Variants in DUSP16 observed in about 807,000 individuals in gnomAD.
The protein encoded by DUSP16 is dual specificity protein phosphatase 16.
A neutral mutation model predicts 58.3 loss-of-function variants in DUSP16; 21 were observed. That is an observed-to-expected ratio of 0.36 (90% CI 0.26 to 0.52). DUSP16 has a LOEUF of 0.52. DUSP16 is among the 20% of genes least tolerant of loss of function. The probability of loss-of-function intolerance (pLI) is 0.94; values close to 1 mark genes in which losing one functional copy is unlikely to be tolerated. For missense variants in DUSP16, 726 were observed against 819.0 expected (o/e 0.89, Z 1.39); for synonymous variants, 320 against 323.8 (o/e 0.99, Z 0.12).
At chr12:12,513,310 T>TA (rs1944104461) in intron 3 of DUSP16, among the ~76,000 whole-genome samples, 1 of 152,242 alleles carries the variant, frequency 6.6e-6, no homozygotes, top group Non-Finnish European at 1.5e-5. Context: ...TAAAACAATT[T>TA]ATATACAGTG....
At chr12:12,529,406 G>A (rs764260934) in intron 1 of DUSP16, among the ~76,000 whole-genome samples, 26 of 152,088 alleles carry the variant, frequency 1.7e-4, no homozygotes, top group South Asian at 4.1e-4. Context: ...CACTGTGCCC[G>A]GCCAAACTTT....
chr12:12,552,934 C>A (rs538458306), intron 1 of DUSP16, among the ~76,000 whole-genome samples: 1 of 152,126 alleles, frequency 6.6e-6, no homozygotes, highest in South Asian at 2.1e-4. Flanking sequence ...GCGCCCACCA[C>A]CACACCTGGC....
intron 1 of DUSP16, among the ~76,000 whole-genome samples, chr12:12,551,278 G>C (rs996893638): frequency 6.6e-6 from 1 of 151,880 alleles, no homozygotes; most frequent in Non-Finnish European, 1.5e-5. Context: ...TAGGCAGGCA[G>C]ATCACTTGAG....
At chr12:12,550,879 TTAAAG>T (rs1311433420) in intron 1 of DUSP16, among the ~76,000 whole-genome samples, 10 of 151,892 alleles carry the variant, frequency 6.6e-5, no homozygotes, top group African/African-American at 1.9e-4. Flanking sequence ...ACCCCAAAAC[TTAAAG>T]TATAATTAAA....
Position 12,476,542 on chromosome 12 carries a change from C to A in DUSP16, c.*291G>T. On this transcript the variant is annotated 3_prime_UTR_variant, in exon 7 of 7. Coordinates refer to ENST00000298573, the MANE Select transcript of DUSP16 (RefSeq NM_030640.3). ...TGTCCTCCAACACCAAAGACACTTG[C>A]TTTTTTAAGAACAAGAGGATGTGTA... is the stretch of plus-strand genomic sequence containing the variant. 3.9e-6 allele frequency: 1 copy of A among 258,186 alleles called. No homozygotes were observed. The highest frequency in any genetic ancestry group is 1.0e-4 in the South Asian group (1 of 9,730). The allele number at this position is 258,186 out of a possible 1,614,324, so 16.0% of individuals were successfully genotyped here.
At chr12:12,518,427 C>T (rs34203965) in intron 3 of DUSP16, among the ~76,000 whole-genome samples, 2,970 of 151,872 alleles carry the variant, frequency 0.02, 52 homozygotes, top group South Asian at 0.041. Context: ...GCAGGAGAAT[C>T]GCTTGAACCT....
chr12:12,504,387 G>A (rs1441318803), intron 3 of DUSP16, among the ~76,000 whole-genome samples: 2 of 151,738 alleles, frequency 1.3e-5, no homozygotes, highest in African/African-American at 2.4e-5. Context: ...TCAGCTTCCC[G>A]AGTAGCCAGG....
intron 1 of DUSP16, among the ~76,000 whole-genome samples, chr12:12,528,948 G>A (rs545914358): frequency 3.6e-4 from 55 of 152,310 alleles, no homozygotes; most frequent in African/African-American, 1.3e-3. Flanking sequence ...ACTGAGCTAT[G>A]TGGATACCTG....
At chr12:12,558,750 G>A (rs930266618) in intron 1 of DUSP16, among the ~76,000 whole-genome samples, 2 of 151,272 alleles carry the variant, frequency 1.3e-5, no homozygotes, top group Non-Finnish European at 3.0e-5. Context: ...TCTAACCCCA[G>A]TCAAGAAGGG....
At chr12:12,545,462 C>A (rs562312437) in intron 1 of DUSP16, among the ~76,000 whole-genome samples, 245 of 141,730 alleles carry the variant, frequency 1.7e-3, no homozygotes, top group Admixed American at 3.6e-3. Context: ...TTTTTTTTTC[C>A]GTAAAGACAA....
At chr12:12,552,314 T>A (rs963158293) in intron 1 of DUSP16, among the ~76,000 whole-genome samples, 2 of 151,872 alleles carry the variant, frequency 1.3e-5, no homozygotes, top group African/African-American at 4.8e-5. Flanking sequence ...GGCATGGTGG[T>A]GCGTGCCTGT....
chr12:12,513,321 T>C (rs1944104720), intron 3 of DUSP16, among the ~76,000 whole-genome samples: 1 of 152,248 alleles, frequency 6.6e-6, no homozygotes, highest in Non-Finnish European at 1.5e-5. Context: ...ATATACAGTG[T>C]ATTTTTATAG....
intron 1 of DUSP16, among the ~76,000 whole-genome samples, chr12:12,557,330 G>A (rs1376562374): frequency 1.3e-5 from 2 of 151,782 alleles, no homozygotes; most frequent in African/African-American, 2.4e-5. Flanking sequence ...GGTGGCACAC[G>A]CCTGTAGTCC....
At chr12:12,528,070 A>T (rs1423128949) in intron 1 of DUSP16, among the ~76,000 whole-genome samples, 3 of 152,182 alleles carry the variant, frequency 2.0e-5, no homozygotes, top group African/African-American at 7.2e-5. Flanking sequence ...TGGCTCAATC[A>T]GAGCTCTTGT....
In DUSP16 at chr12:12,477,327, G is replaced by C. The variant is rs1943466422; in HGVS notation, c.1504C>G (p.Pro502Ala). 3 of 1,614,132 alleles carry C rather than the reference G, an allele frequency of 1.9e-6. No individual in the cohort carries two copies. Among genetic ancestry groups the C allele is most frequent in the Admixed American group, 3.3e-5 (2 of 60,018 alleles). ...TCCACGCTCCCACTTCGATGCAGTG[G>C]AGATAAAAGGGACCTCTGGGCGGTG... ...SGTAQRSLLS[P>A]LHRSGSVEDN... Residue 502 changes from proline (P) to alanine (A), a missense_variant, in exon 7 of 7, where the codon CCA (proline) becomes GCA (alanine). Coordinates refer to ENST00000298573, the MANE Select transcript of DUSP16 (RefSeq NM_030640.3). The surrounding 1 kb of genome is among the most constrained non-coding windows in gnomAD (Gnocchi z 4.1).
chr12:12,538,943 A>G (rs1284759521), intron 1 of DUSP16, among the ~76,000 whole-genome samples: 1 of 152,240 alleles, frequency 6.6e-6, no homozygotes, highest in Non-Finnish European at 1.5e-5. Context: ...TAAATGGAGG[A>G]GCATTTTGGC....
chr12:12,557,735 A>ATG (rs1245526421), intron 1 of DUSP16, among the ~76,000 whole-genome samples: 2 of 152,174 alleles, frequency 1.3e-5, no homozygotes, highest in African/African-American at 4.8e-5. Context: ...CACTTTTTTA[A>ATG]TGTACTGTTT....
chr12:12,504,783 G>A (rs940709224), intron 3 of DUSP16, among the ~76,000 whole-genome samples: 1 of 151,912 alleles, frequency 6.6e-6, no homozygotes, highest in Non-Finnish European at 1.5e-5. Context: ...AGGCTGAGGT[G>A]GGAGGACTGT....
At chr12:12,552,839 G>A (rs558945199) in intron 1 of DUSP16, among the ~76,000 whole-genome samples, 1 of 152,088 alleles carries the variant, frequency 6.6e-6, no homozygotes, top group Non-Finnish European at 1.5e-5. Context: ...GGAGTGCAAT[G>A]GCAGGATCTC....
Sources: gnomAD v4.1 joint callset for allele counts (sites outside exome capture counted in the v4.1 genomes callset) on GRCh38, gnomAD v4.1.1 for gene constraint, Gnocchi (gnomAD v3.1) non-coding constraint, MANE v1.5 for transcripts, NCBI Gene and HGNC (gene_info 2026-07-23, HGNC 2026-07-21) for gene names.